Variants in LRRC4C observed in about 807,000 individuals in gnomAD.
LRRC4C encodes the protein leucine rich repeat containing 4C.
Under a neutral mutation model 33.6 loss-of-function variants are expected in LRRC4C, and 5 were observed. That is an observed-to-expected ratio of 0.15 (90% confidence interval 0.08 to 0.31). LRRC4C has a LOEUF of 0.31. Ranked by LOEUF, LRRC4C falls within the 10% of genes least tolerant of loss-of-function variation. The probability of loss-of-function intolerance (pLI) is 1.00; values close to 1 mark genes in which losing one functional copy is unlikely to be tolerated. For synonymous variants in LRRC4C, 329 were observed against 302.0 expected (o/e 1.09, Z -0.93); for missense variants, 560 against 796.7 (o/e 0.70, Z 3.58).
chr11:40,114,863 C>G lies in LRRC4C; in HGVS notation c.1430G>C (p.Gly477Ala), dbSNP rs766957169. 1.2e-5 allele frequency: 19 copies of G among 1,614,124 alleles called. No homozygotes were observed. The highest frequency in any genetic ancestry group is 1.6e-5 in the Non-Finnish European group (19 of 1,180,028). The change falls in exon 7 of 7, where the codon GGT becomes GCT. Residue 477 changes from glycine (G) to alanine (A), a missense_variant. Transcript: ENST00000528697. ...CTCCCAGTCGACCACTGGAGTGGGA[C>G]CCACATTGTTATCTGTGGTCCGTGC... is the stretch of plus-strand genomic sequence containing the variant. Reference protein sequence around the residue: ...DEARTTDNNVGPTPVVDWETT... With the variant: ...DEARTTDNNVAPTPVVDWETT...
At chr11:41,135,346 C>A (rs1943210969) in intron 1 of LRRC4C, among the ~76,000 whole-genome samples, 1 of 151,888 alleles carries the variant, frequency 6.6e-6, no homozygotes, top group African/African-American at 2.4e-5. Context: ...AATTTAGGAG[C>A]TAGGGAAGGA....
chr11:40,464,767 A>T (rs1164618643), intron 3 of LRRC4C, among the ~76,000 whole-genome samples: 2 of 151,916 alleles, frequency 1.3e-5, no homozygotes, highest in African/African-American at 2.4e-5. Context: ...AGGATGAAAG[A>T]TCTCCACAGA....
chr11:40,832,260 C>A (rs1362439046), intron 2 of LRRC4C, among the ~76,000 whole-genome samples: 1 of 152,058 alleles, frequency 6.6e-6, no homozygotes, highest in Non-Finnish European at 1.5e-5. Flanking sequence ...CTAATATAAT[C>A]TTATGGGATG....
chr11:41,438,073 T>A (rs1015257604), intron 1 of LRRC4C, among the ~76,000 whole-genome samples: 3 of 60,112 alleles, frequency 5.0e-5, no homozygotes, highest in African/African-American at 1.6e-4. Flanking sequence ...AAATAAATAA[T>A]AAAAAAAAAT....
intron 3 of LRRC4C, among the ~76,000 whole-genome samples, chr11:40,625,039 A>G (rs1962797417): frequency 6.6e-6 from 1 of 152,182 alleles, no homozygotes; most frequent in Admixed American, 6.5e-5. Flanking sequence ...CTAAGATCAT[A>G]TAATATTCAG....
intron 3 of LRRC4C, among the ~76,000 whole-genome samples, chr11:40,629,875 A>G (rs1049758744): frequency 6.6e-6 from 1 of 152,186 alleles, no homozygotes; most frequent in Non-Finnish European, 1.5e-5. Context: ...CTGCATGGAC[A>G]TACAGATAGA....
At chr11:40,747,155 C>A (rs903577653) in intron 2 of LRRC4C, among the ~76,000 whole-genome samples, 2 of 152,066 alleles carry the variant, frequency 1.3e-5, no homozygotes, top group African/African-American at 4.8e-5. Context: ...AAAGATCGGG[C>A]CCAAGGCAGG....
intron 2 of LRRC4C, among the ~76,000 whole-genome samples, chr11:40,654,401 C>T (rs1429609095): frequency 6.6e-6 from 1 of 152,186 alleles, no homozygotes; most frequent in Non-Finnish European, 1.5e-5. Flanking sequence ...CTTCTTGCAT[C>T]AGTGTGCCCT....
At chr11:40,120,059 T>C (rs1855718697) in intron 6 of LRRC4C, among the ~76,000 whole-genome samples, 1 of 152,244 alleles carries the variant, frequency 6.6e-6, no homozygotes, top group African/African-American at 2.4e-5. Flanking sequence ...TGCTCCCTAC[T>C]GGCTGATCCT....
intron 1 of LRRC4C, among the ~76,000 whole-genome samples, chr11:41,132,604 T>C (rs1943066528): frequency 6.6e-6 from 1 of 152,010 alleles, no homozygotes; most frequent in South Asian, 2.1e-4. Context: ...AATGGAAAAA[T>C]GCTGGAAATT....
intron 3 of LRRC4C, among the ~76,000 whole-genome samples, chr11:40,566,696 A>T (rs1180172248): frequency 6.6e-6 from 1 of 152,094 alleles, no homozygotes; most frequent in Non-Finnish European, 1.5e-5. Context: ...TAGCAATTTC[A>T]ATTTTTCTTC....
intron 2 of LRRC4C, among the ~76,000 whole-genome samples, chr11:40,772,269 A>T (rs1224860074): frequency 6.6e-6 from 1 of 152,196 alleles, no homozygotes; most frequent in Non-Finnish European, 1.5e-5. Flanking sequence ...CCTCTTATAA[A>T]TCCATCAGAT....
rs527605847 is a variant in LRRC4C, at chr11:41,059,853, C to G, written c.-495-126130G>C. On this transcript the variant is annotated intron_variant, in intron 1 of 6. Coordinates refer to ENST00000528697, the MANE Select transcript of LRRC4C (RefSeq NM_001258419.2). ...CATGCTGACCAACATGGTGAAACCCCATCTCTACTAAAAATACAAAAATTA... is the reference window on the plus strand; with the variant it reads ...CATGCTGACCAACATGGTGAAACCCGATCTCTACTAAAAATACAAAAATTA... 2.0e-5 allele frequency among the ~76,000 whole-genome samples: 3 copies of G among 152,132 alleles called. No homozygotes were observed. In the East Asian group the frequency reaches 5.8e-4, roughly 29 times the overall value.
intron 3 of LRRC4C, among the ~76,000 whole-genome samples, chr11:40,402,810 C>A (rs1351817655): frequency 6.6e-6 from 1 of 151,936 alleles, no homozygotes; most frequent in African/African-American, 2.4e-5. Context: ...TCCTTAGAAG[C>A]AAAAAATATG....
chr11:40,365,357 A>G (rs527246862), intron 3 of LRRC4C, among the ~76,000 whole-genome samples: 1 of 152,212 alleles, frequency 6.6e-6, no homozygotes, highest in East Asian at 1.9e-4. Context: ...GGGCCTGAAT[A>G]CTTTTGCCAA....
At chr11:41,028,791 A>G (rs1017589668) in intron 1 of LRRC4C, among the ~76,000 whole-genome samples, 2 of 151,058 alleles carry the variant, frequency 1.3e-5, no homozygotes, top group African/African-American at 4.9e-5. Flanking sequence ...TTTCTTTCCC[A>G]TGGGGGCAAA....
intron 4 of LRRC4C, among the ~76,000 whole-genome samples, chr11:40,313,591 G>A (rs1403697890): frequency 1.4e-5 from 2 of 142,990 alleles, no homozygotes; most frequent in Non-Finnish European, 3.0e-5. Context: ...ATGCTAGGAG[G>A]GGAAATTCTT....
At chr11:40,311,130 A>G (rs1366879967) in intron 4 of LRRC4C, among the ~76,000 whole-genome samples, 1 of 152,170 alleles carries the variant, frequency 6.6e-6, no homozygotes, top group East Asian at 1.9e-4. Flanking sequence ...CTCATCCATA[A>G]AATCTTCTGT....
At chr11:40,906,505 C>T (rs1956422670) in intron 2 of LRRC4C, among the ~76,000 whole-genome samples, 1 of 152,212 alleles carries the variant, frequency 6.6e-6, no homozygotes, top group African/African-American at 2.4e-5. Flanking sequence ...AGCGAGACTC[C>T]ATCTCAAAAC....
Sources: allele counts gnomAD v4.1 joint callset (sites outside exome capture counted in the v4.1 genomes callset), GRCh38; gene constraint gnomAD v4.1.1; transcripts MANE v1.5; gene names NCBI Gene and HGNC (gene_info 2026-07-23, HGNC 2026-07-21).